MFSD6: variants seen among roughly 807,000 people sequenced by gnomAD.
MFSD6 encodes major facilitator superfamily domain-containing protein 6.
A neutral mutation model predicts 56.3 loss-of-function variants in MFSD6; 26 were observed. The ratio of observed to expected loss-of-function variants is 0.46; its 90% CI spans 0.34 to 0.64. The LOEUF is 0.64. MFSD6 is among the 30% of genes least tolerant of loss of function. The pLI is 0.01. For missense variants in MFSD6, 750 were observed against 986.2 expected (o/e 0.76, Z 3.21); for synonymous variants, 331 against 366.9 (o/e 0.90, Z 1.12).
At chr2:190,452,120 T>G (rs1686792683) in intron 3 of MFSD6, among the ~76,000 whole-genome samples, 1 of 151,762 alleles carries the variant, frequency 6.6e-6, no homozygotes. Flanking sequence ...AATAGGTAAA[T>G]AATCTAGATG....
intron 3 of MFSD6, among the ~76,000 whole-genome samples, chr2:190,460,491 A>T (rs1016497004): frequency 3.9e-5 from 6 of 152,196 alleles, no homozygotes; most frequent in Non-Finnish European, 5.9e-5. Flanking sequence ...TTGTTAATTG[A>T]TATTCTATTT....
rs530166526 is a variant in MFSD6 at position 190,425,021 on chromosome 2, G to C, written c.-54+9608G>C. On this transcript the variant is annotated intron_variant, in intron 2 of 7. Coordinates refer to ENST00000392328, the MANE Select transcript of MFSD6 (RefSeq NM_017694.4). The surrounding 1 kb of genome is among the most constrained non-coding windows in gnomAD (Gnocchi z 4.3). ...CATGGATCCATTTATTTAGCTCTTT[G>C]ATTTCTTTCATCAGCATTTTATGGT... is the stretch of plus-strand genomic sequence containing the variant. Among the ~76,000 whole-genome samples, 3 of 152,084 alleles carry C rather than the reference G, an allele frequency of 2.0e-5. No individual in the cohort carries two copies. The highest frequency in any genetic ancestry group is 4.4e-5 in the Non-Finnish European group (3 of 68,024).
At chr2:190,482,165 G>A (rs1688710795) in intron 4 of MFSD6, among the ~76,000 whole-genome samples, 1 of 152,224 alleles carries the variant, frequency 6.6e-6, no homozygotes, top group African/African-American at 2.4e-5. Context: ...AGGCATTGCA[G>A]ATGGCAGATT....
chr2:190,490,814 TAGCC>T lies in MFSD6; in HGVS notation c.1891+949_1891+952del, dbSNP rs1443364644. ...GGGTGTCCTATCCTTTGCGGAGCAT[TAGCC>T]TCAGGCCCCTGAAATGCTTCTGTGA... On this transcript the variant is annotated intron_variant, in intron 6 of 7. Coordinates refer to ENST00000392328, the MANE Select transcript of MFSD6 (RefSeq NM_017694.4). The surrounding 1 kb of genome is among the most constrained non-coding windows in gnomAD (Gnocchi z 4.5). Among the ~76,000 whole-genome samples the T allele has an allele frequency of 6.6e-6, 1 of 152,210 alleles. No homozygotes were observed. Among genetic ancestry groups the T allele is most frequent in the Non-Finnish European group, 1.5e-5 (1 of 68,036 alleles).
chr2:190,476,061 TC>T (rs1252556959), intron 4 of MFSD6, among the ~76,000 whole-genome samples: 4 of 152,104 alleles, frequency 2.6e-5, no homozygotes, highest in Non-Finnish European at 5.9e-5. Context: ...AGAAATTAAT[TC>T]AAGATGGATT....
At chr2:190,441,134 T>C (rs1318937944) in intron 3 of MFSD6, among the ~76,000 whole-genome samples, 2 of 152,144 alleles carry the variant, frequency 1.3e-5, no homozygotes, top group Non-Finnish European at 2.9e-5. Context: ...TTTCTACCCA[T>C]CTCTTTGTGC....
rs537526184 is a variant in MFSD6, at chr2:190,498,410, A to G, written c.2172+691A>G. ...AAGTCACGTCAGCTTTGTCTGGAGTAGCTTCAGAGGACACATAAAAATAAA... is the reference window on the plus strand; with the variant it reads ...AAGTCACGTCAGCTTTGTCTGGAGTGGCTTCAGAGGACACATAAAAATAAA... On this transcript the variant is annotated intron_variant, in intron 7 of 7. Transcript: ENST00000392328. This position sits in a 1 kb window ranked among gnomAD's most constrained non-coding sequence, Gnocchi z 5.9. Among the ~76,000 whole-genome samples, 1 of 152,350 alleles carries G rather than the reference A, an allele frequency of 6.6e-6. No individual in the cohort carries two copies. The highest frequency in any genetic ancestry group is 2.1e-4 in the South Asian group (1 of 4,826).
In MFSD6 at chr2:190,457,025, C is replaced by T. The variant is rs371321936; in HGVS notation, c.1533-12733C>T. On this transcript the variant is annotated intron_variant, in intron 3 of 7. Coordinates refer to ENST00000392328, the MANE Select transcript of MFSD6 (RefSeq NM_017694.4). This position sits in a 1 kb window ranked among gnomAD's most constrained non-coding sequence, Gnocchi z 5.1. Reference sequence around the variant, plus strand: ...GTTCATCCAGCTTCCTTAATCCGCGCGCACAGCTGAGTTCAGAAGTCCAGA... The same window carrying T: ...GTTCATCCAGCTTCCTTAATCCGCGTGCACAGCTGAGTTCAGAAGTCCAGA... 5.3e-5 allele frequency among the ~76,000 whole-genome samples: 8 copies of T among 152,302 alleles called. No homozygotes were observed. Among genetic ancestry groups the T allele is most frequent in the East Asian group, 1.9e-4 (1 of 5,184 alleles).
intron 4 of MFSD6, among the ~76,000 whole-genome samples, chr2:190,486,208 T>C (rs1050804653): frequency 6.6e-6 from 1 of 152,364 alleles, no homozygotes; most frequent in East Asian, 1.9e-4. Context: ...ATCCTAGGAA[T>C]CATGAGTTGT....
chr2:190,471,781 C>A lies in MFSD6; in HGVS notation c.1630+1926C>A, dbSNP rs1035175293. Among the ~76,000 whole-genome samples, 1 of 152,216 alleles carries A rather than the reference C, an allele frequency of 6.6e-6. No homozygotes were observed. Among genetic ancestry groups the A allele is most frequent in the Non-Finnish European group, 1.5e-5 (1 of 68,030 alleles). ...ACGCAGCTTGAGATCTGAGAACAGA[C>A]AGACTGCCTCCTCAAGTGGGTCCCT... On this transcript the variant is annotated intron_variant, in intron 4 of 7. Coordinates refer to ENST00000392328, the MANE Select transcript of MFSD6 (RefSeq NM_017694.4). This position sits in a 1 kb window ranked among gnomAD's most constrained non-coding sequence, Gnocchi z 4.7.
chr2:190,469,598 C>A lies in MFSD6; in HGVS notation c.1533-160C>A. On this transcript the variant is annotated intron_variant, in intron 3 of 7. Coordinates refer to ENST00000392328, the MANE Select transcript of MFSD6 (RefSeq NM_017694.4). This position sits in a 1 kb window ranked among gnomAD's most constrained non-coding sequence, Gnocchi z 5.3. Reference sequence around the variant, plus strand: ...AAATGTAATTGTCCTTCAGTTTTCCCACTCCTGAGTTTGGAGTCTGCTGGA... The same window carrying A: ...AAATGTAATTGTCCTTCAGTTTTCCAACTCCTGAGTTTGGAGTCTGCTGGA... The A allele has an allele frequency of 2.8e-6, 1 of 355,134 alleles. No individual in the cohort carries two copies. Among genetic ancestry groups the A allele is most frequent in the Non-Finnish European group, 4.9e-6 (1 of 205,032 alleles). The allele number at this position is 355,134 out of a possible 1,614,324, so 22.0% of individuals were successfully genotyped here.
Position 190,502,258 on chromosome 2 carries a change from C to T in MFSD6, c.*2040C>T, listed in dbSNP as rs980941303. 1 of 152,186 alleles carries T rather than the reference C, an allele frequency of 6.6e-6. No homozygotes were observed. Among genetic ancestry groups the T allele is most frequent in the Non-Finnish European group, 1.5e-5 (1 of 68,034 alleles). 9.4% of individuals were successfully genotyped at this position (152,186 alleles called of 1,614,324 possible). On this transcript the variant is annotated 3_prime_UTR_variant, in exon 8 of 8. Coordinates refer to ENST00000392328, the MANE Select transcript of MFSD6 (RefSeq NM_017694.4). This position sits in a 1 kb window ranked among gnomAD's most constrained non-coding sequence, Gnocchi z 4.4. ...TTGTGGACTTTGTGACTTTTTCTTC[C>T]TGTCCCCAAAGTGCCATATGCTACC...
intron 3 of MFSD6, chr2:190,464,800 A>C: frequency 1.1e-5 from 5 of 455,348 alleles, no homozygotes; most frequent in Non-Finnish European, 1.4e-5. Flanking sequence ...GACCAAGTAG[A>C]TTTCCTCTTC....
chr2:190,489,980 A>C lies in MFSD6; in HGVS notation c.1891+114A>C. On this transcript the variant is annotated intron_variant, in intron 6 of 7. Transcript: ENST00000392328. This position sits in a 1 kb window ranked among gnomAD's most constrained non-coding sequence, Gnocchi z 6.6. ...AGTATACAACAGGTCTGTTTGGCTCAATTTTCTGAGTGGCGTATCGATGAA... is the reference window on the plus strand; with the variant it reads ...AGTATACAACAGGTCTGTTTGGCTCCATTTTCTGAGTGGCGTATCGATGAA... 1 of 807,362 alleles carries C rather than the reference A, an allele frequency of 1.2e-6. No individual in the cohort carries two copies. The highest frequency in any genetic ancestry group is 1.9e-6 in the Non-Finnish European group (1 of 527,714). 50.0% of individuals were successfully genotyped at this position (807,362 alleles called of 1,614,324 possible).
At chr2:190,475,753 A>G (rs1226063319) in intron 4 of MFSD6, among the ~76,000 whole-genome samples, 8 of 152,332 alleles carry the variant, frequency 5.3e-5, no homozygotes, top group South Asian at 2.1e-4. Context: ...CGCATTGCCA[A>G]GTGAATCCTA....
At position 190,436,149 on chromosome 2, in the gene MFSD6, A is replaced by G. The variant is rs779211197; in HGVS notation, c.120A>G (p.Thr40=). ...SREPEPPSNE[T]PSSTETSAIP... is the part of the protein sequence containing the mutation. ...AACCAGAACCACCTTCGAATGAAAC[A>G]CCTTCCTCCACAGAAACATCTGCTA... The change falls in exon 3 of 8, where the codon ACA becomes ACG. Residue 40 remains threonine, a synonymous_variant. Transcript: ENST00000392328. The surrounding 1 kb of genome is among the most constrained non-coding windows in gnomAD (Gnocchi z 5.3). 4 of 1,614,222 alleles carry G rather than the reference A, an allele frequency of 2.5e-6. No homozygotes were observed. The East Asian group carries it at 8.9e-5, about 36-fold the overall frequency.
rs1166973425 is a variant in MFSD6, at chr2:190,413,146, A to G, written c.-175-2146A>G. On this transcript the variant is annotated intron_variant, in intron 1 of 7. Coordinates refer to ENST00000392328, the MANE Select transcript of MFSD6 (RefSeq NM_017694.4). The surrounding 1 kb of genome is among the most constrained non-coding windows in gnomAD (Gnocchi z 4.1). The stretch of plus-strand genomic sequence containing the variant: ...ACATCCCAATGTTGTATGTATTCAA[A>G]GTAGCCTCTCCCTGCCTTGATCCAT... Among the ~76,000 whole-genome samples the G allele has an allele frequency of 1.3e-5, 2 of 152,160 alleles. No individual in the cohort carries two copies. Among genetic ancestry groups the G allele is most frequent in the Admixed American group, 1.3e-4 (2 of 15,270 alleles).
chr2:190,501,208 A>G lies in MFSD6; in HGVS notation c.*990A>G, dbSNP rs917964694. 13 of 152,238 alleles carry G rather than the reference A, an allele frequency of 8.5e-5. No individual in the cohort carries two copies. In the East Asian group the frequency reaches 2.5e-3, roughly 29 times the overall value. 9.4% of individuals were successfully genotyped at this position (152,238 alleles called of 1,614,324 possible). A position where few individuals can be genotyped will look rare whatever the true frequency, so the allele number is the denominator to read the frequency against. ...TGGGGGAAGGATACAATTTTTAGAA[A>G]TTACATATTGGGTCAGTTTTGTTTT... is the stretch of plus-strand genomic sequence containing the variant. On this transcript the variant is annotated 3_prime_UTR_variant, in exon 8 of 8. Coordinates refer to ENST00000392328, the MANE Select transcript of MFSD6 (RefSeq NM_017694.4).
chr2:190,459,734 C>G lies in MFSD6; in HGVS notation c.1533-10024C>G, dbSNP rs1038474415. On this transcript the variant is annotated intron_variant, in intron 3 of 7. Transcript: ENST00000392328. This position sits in a 1 kb window ranked among gnomAD's most constrained non-coding sequence, Gnocchi z 5.3. The stretch of plus-strand genomic sequence containing the variant: ...TGCTGATGGTGACCATAGTTACACT[C>G]TTAGCTTATCAGTCATTTTAGAGGG... Among the ~76,000 whole-genome samples, 12 of 152,194 alleles carry G rather than the reference C, an allele frequency of 7.9e-5. No homozygotes were observed. The highest frequency in any genetic ancestry group is 2.7e-4 in the African/African-American group (11 of 41,442).
Sources: gnomAD v4.1 joint callset for allele counts (sites outside exome capture counted in the v4.1 genomes callset) on GRCh38, gnomAD v4.1.1 for gene constraint, Gnocchi (gnomAD v3.1) non-coding constraint, MANE v1.5 for transcripts, NCBI Gene and HGNC (gene_info 2026-07-23, HGNC 2026-07-21) for gene names.